SNX29: variants seen among roughly 807,000 people sequenced by gnomAD.
The protein encoded by SNX29 is sorting nexin 29, also known as sorting nexin-29.
Under a neutral mutation model 102.1 loss-of-function variants are expected in SNX29, and 78 were observed. The observed-to-expected ratio is 0.76, with a 90% CI of 0.64 to 0.92. The LOEUF is 0.92. Among genes scored for constraint, SNX29 ranks in the 40% least tolerant of loss-of-function variants. The pLI is 0.00. For synonymous variants in SNX29, 580 were observed against 414.5 expected, an observed-to-expected ratio of 1.40 and a Z score of -4.85; for missense variants, 1,280 against 1,061.7, an observed-to-expected ratio of 1.21 and a Z score of -2.86.
rs115415160 is a variant in SNX29, at chr16:12,524,008, A to T, written c.2179-694A>T. The stretch of plus-strand genomic sequence containing the variant: ...TTCAAGTGATTGTCCTGCCTCAGCC[A>T]AGTAGCTGGGATTACAGGAACGTGC... On this transcript the variant is annotated intron_variant, in intron 19 of 20. Coordinates refer to ENST00000566228, the MANE Select transcript of SNX29 (RefSeq NM_032167.5). Among the ~76,000 whole-genome samples the T allele has an allele frequency of 6.6e-3, 1,001 of 152,176 alleles. 17 individuals are homozygous for T. The highest frequency in any genetic ancestry group is 0.023 in the African/African-American group (953 of 41,526).
chr16:12,427,971 A>G (rs1306510657), intron 18 of SNX29, among the ~76,000 whole-genome samples: 1 of 152,256 alleles, frequency 6.6e-6, no homozygotes, highest in Non-Finnish European at 1.5e-5. Context: ...TCATTTGCCA[A>G]ATGTGCCTTT....
chr16:12,153,127 G>A (rs1174173590), intron 13 of SNX29, among the ~76,000 whole-genome samples: 2 of 152,222 alleles, frequency 1.3e-5, no homozygotes, highest in Non-Finnish European at 2.9e-5. Context: ...GCTGGGCACT[G>A]TGGCTCATGC....
At chr16:12,056,400 G>T (rs2050523427) in intron 8 of SNX29, among the ~76,000 whole-genome samples, 1 of 152,220 alleles carries the variant, frequency 6.6e-6, no homozygotes, top group Non-Finnish European at 1.5e-5. Context: ...CATTAAGAGG[G>T]ATCTTGACTG....
intron 15 of SNX29, among the ~76,000 whole-genome samples, chr16:12,346,240 T>G (rs1170922367): frequency 6.6e-6 from 1 of 151,952 alleles, no homozygotes; most frequent in African/African-American, 2.4e-5. Context: ...GGACAGACCT[T>G]GGAGAGATGA....
intron 18 of SNX29, among the ~76,000 whole-genome samples, chr16:12,472,203 CT>C (rs2087378694): frequency 6.7e-6 from 1 of 149,540 alleles, no homozygotes; most frequent in Non-Finnish European, 1.5e-5. Flanking sequence ...GGAGCACACA[CT>C]GGTTCCGTTT....
chr16:12,093,225 T>C (rs1171276126), intron 11 of SNX29, among the ~76,000 whole-genome samples: 1 of 152,218 alleles, frequency 6.6e-6, no homozygotes, highest in Admixed American at 6.5e-5. Context: ...TTTAGTTTTG[T>C]AGGGCCCTGA....
intron 15 of SNX29, among the ~76,000 whole-genome samples, chr16:12,309,854 C>T (rs2080471865): frequency 6.6e-6 from 1 of 152,262 alleles, no homozygotes; most frequent in East Asian, 1.9e-4. Context: ...CTTTGACCAT[C>T]CCCTACCCTT....
intron 20 of SNX29, chr16:12,527,465 T>A (rs983402225): frequency 4.0e-5 from 17 of 428,920 alleles, no homozygotes; most frequent in Non-Finnish European, 7.1e-5. Flanking sequence ...AATGTTGATT[T>A]AGGATCCAAA....
At chr16:12,205,545 G>A (rs562798434) in intron 14 of SNX29, among the ~76,000 whole-genome samples, 1 of 152,186 alleles carries the variant, frequency 6.6e-6, no homozygotes, top group South Asian at 2.1e-4. Flanking sequence ...CCTCAAACAT[G>A]CCAGGCTGGC....
chr16:12,446,019 C>T (rs908584111), intron 18 of SNX29, among the ~76,000 whole-genome samples: 2 of 151,172 alleles, frequency 1.3e-5, no homozygotes, highest in African/African-American at 2.4e-5. Flanking sequence ...AGCTCCTGGA[C>T]GTGCAGTTGA....
chr16:12,017,241 A>C (rs930829167), intron 3 of SNX29, among the ~76,000 whole-genome samples: 1 of 152,140 alleles, frequency 6.6e-6, no homozygotes, highest in African/African-American at 2.4e-5. Context: ...TAGCACTATG[A>C]TTGCTTTTGA....
chr16:12,124,843 G>C (rs2054135507), intron 11 of SNX29, among the ~76,000 whole-genome samples: 1 of 152,222 alleles, frequency 6.6e-6, no homozygotes, highest in South Asian at 2.1e-4. Context: ...AGGAACCAAT[G>C]TTGAGATGGA....
chr16:12,547,162 T>G (rs1476721548), intron 20 of SNX29, among the ~76,000 whole-genome samples: 2 of 152,230 alleles, frequency 1.3e-5, no homozygotes, highest in Admixed American at 1.3e-4. Flanking sequence ...GCTGGGGATG[T>G]GCTGTTTATG....
chr16:12,111,259 C>G (rs1440933005), intron 11 of SNX29, among the ~76,000 whole-genome samples: 1 of 152,192 alleles, frequency 6.6e-6, no homozygotes, highest in Non-Finnish European at 1.5e-5. Context: ...CTGCACCAGT[C>G]AGCTCACTTC....
rs573288008 is a variant in SNX29, at chr16:12,355,198, G to A, written c.1783-965G>A. ...CTTTGGCTATCATTCATATCTTGGC[G>A]GATTCTCTTCTGTGAGTTACCCTTC... On this transcript the variant is annotated intron_variant, in intron 15 of 20. Coordinates refer to ENST00000566228, the MANE Select transcript of SNX29 (RefSeq NM_032167.5). 1.2e-4 allele frequency among the ~76,000 whole-genome samples: 19 copies of A among 152,250 alleles called. No homozygotes were observed. The East Asian group carries it at 1.9e-3, about 15-fold the overall frequency.
At chr16:12,207,521 C>T (rs192832298) in intron 14 of SNX29, among the ~76,000 whole-genome samples, 7 of 152,314 alleles carry the variant, frequency 4.6e-5, no homozygotes, top group African/African-American at 1.4e-4. Context: ...TCTCCGTTCC[C>T]GACCCTTCCT....
chr16:12,405,436 C>T (rs1407290060), intron 18 of SNX29, among the ~76,000 whole-genome samples: 3 of 152,222 alleles, frequency 2.0e-5, no homozygotes, highest in Non-Finnish European at 4.4e-5. Flanking sequence ...TTCAGCCCTG[C>T]TTCCAGCCAG....
intron 18 of SNX29, among the ~76,000 whole-genome samples, chr16:12,477,263 T>G (rs2087698618): frequency 6.6e-6 from 1 of 152,094 alleles, no homozygotes; most frequent in South Asian, 2.1e-4. Context: ...ATCTGTGTGG[T>G]GGTCGGTGTG....
At chr16:12,558,666 C>T (rs911841476) in intron 20 of SNX29, among the ~76,000 whole-genome samples, 3 of 152,226 alleles carry the variant, frequency 2.0e-5, no homozygotes, top group Non-Finnish European at 4.4e-5. Context: ...CCCAATCCTG[C>T]TGGTCCTTGT....
Sources: allele counts gnomAD v4.1 joint callset (sites outside exome capture counted in the v4.1 genomes callset), GRCh38; gene constraint gnomAD v4.1.1; transcripts MANE v1.5; gene names NCBI Gene and HGNC (gene_info 2026-07-23, HGNC 2026-07-21).